Variants in OPCML observed in about 807,000 individuals in gnomAD.
The protein encoded by OPCML is opioid binding protein/cell adhesion molecule like.
A neutral mutation model predicts 37.8 loss-of-function variants in OPCML; 13 were observed. The ratio of observed to expected loss-of-function variants is 0.34; its 90% CI spans 0.22 to 0.55. OPCML has a LOEUF of 0.55. Ranked by LOEUF, OPCML falls within the 20% of genes least tolerant of loss-of-function variation. OPCML has a pLI of 0.91. For missense variants in OPCML, 341 were observed against 435.6 expected, an observed-to-expected ratio of 0.78 and a Z score of 1.93; for synonymous variants, 176 against 168.8, an observed-to-expected ratio of 1.04 and a Z score of -0.33.
chr11:133,458,403 T>C (rs1453818092), intron 1 of OPCML, among the ~76,000 whole-genome samples: 1 of 60,054 alleles, frequency 1.7e-5, no homozygotes, highest in Non-Finnish European at 2.9e-5. Flanking sequence ...TATACACATA[T>C]ATACACGTGT....
intron 1 of OPCML, among the ~76,000 whole-genome samples, chr11:133,104,635 G>A (rs747507122): frequency 6.6e-6 from 1 of 152,124 alleles, no homozygotes; most frequent in South Asian, 2.1e-4. Flanking sequence ...TCCAAGATTT[G>A]AACTAATCTT....
rs565081643 is a variant in OPCML, at chr11:133,196,504, G to A, written c.62-253494C>T. Among the ~76,000 whole-genome samples, 211 of 152,288 alleles carry A rather than the reference G, an allele frequency of 1.4e-3. 1 individual carries two copies. Among genetic ancestry groups the A allele is most frequent in the Admixed American group, 2.3e-3 (35 of 15,304 alleles). ...GGCTATTTTCTAACTCTCTTGCCAG[G>A]TAGACTGCTTGATACCAGAGGGGAT... On this transcript the variant is annotated intron_variant, in intron 1 of 7. Coordinates refer to ENST00000524381, the MANE Select transcript of OPCML (RefSeq NM_001012393.5).
chr11:133,468,109 T>C (rs1947016937), intron 1 of OPCML, among the ~76,000 whole-genome samples: 1 of 152,166 alleles, frequency 6.6e-6, no homozygotes, highest in African/African-American at 2.4e-5. Flanking sequence ...TGTTGTGGTT[T>C]GAAATGAAGT....
intron 3 of OPCML, among the ~76,000 whole-genome samples, chr11:132,633,500 A>G (rs1027309103): frequency 1.3e-5 from 2 of 152,200 alleles, no homozygotes; most frequent in Non-Finnish European, 2.9e-5. Flanking sequence ...TGGGCATCCC[A>G]ATCCTGAGCC....
chr11:132,576,845 G>T (rs1242827281), intron 3 of OPCML, among the ~76,000 whole-genome samples: 1 of 152,064 alleles, frequency 6.6e-6, no homozygotes, highest in African/African-American at 2.4e-5. Flanking sequence ...CTGTCTGCTT[G>T]CTCTGTGGGT....
Position 132,417,182 on chromosome 11 carries a change from C to G in OPCML, c.*3011G>C, listed in dbSNP as rs1287915493. 1 of 152,392 alleles carries G rather than the reference C, an allele frequency of 6.6e-6. No individual in the cohort carries two copies. Among genetic ancestry groups the G allele is most frequent in the East Asian group, 1.9e-4 (1 of 5,174 alleles). 9.4% of individuals were successfully genotyped at this position (152,392 alleles called of 1,614,324 possible). ...AGCCTGTAGGCATTCTCCATGTACTCTCCGTGTGTGAAGTTGGAAAAGTGT... is the reference window on the plus strand; with the variant it reads ...AGCCTGTAGGCATTCTCCATGTACTGTCCGTGTGTGAAGTTGGAAAAGTGT... On this transcript the variant is annotated 3_prime_UTR_variant, in exon 8 of 8. Coordinates refer to ENST00000524381, the MANE Select transcript of OPCML (RefSeq NM_001012393.5).
chr11:132,876,822 C>T (rs758023563), intron 2 of OPCML, among the ~76,000 whole-genome samples: 61 of 152,062 alleles, frequency 4.0e-4, no homozygotes, highest in Non-Finnish European at 6.6e-4. Flanking sequence ...AAGGAGTTGC[C>T]GTATACCACC....
chr11:133,377,890 A>G (rs369481386), intron 1 of OPCML, among the ~76,000 whole-genome samples: 1 of 152,144 alleles, frequency 6.6e-6, no homozygotes. Context: ...TGTGTCAGGG[A>G]CCTGCAAGCA....
intron 4 of OPCML, among the ~76,000 whole-genome samples, chr11:132,448,136 T>A (rs1310796419): frequency 1.3e-5 from 2 of 152,218 alleles, no homozygotes; most frequent in South Asian, 2.1e-4. Flanking sequence ...ATTGGGGAAA[T>A]GCCCTTTTGA....
At chr11:133,288,229 A>C (rs1478745059) in intron 1 of OPCML, among the ~76,000 whole-genome samples, 9 of 152,186 alleles carry the variant, frequency 5.9e-5, no homozygotes, top group Admixed American at 5.9e-4. Context: ...GGCACTGGTC[A>C]GGCATCAAGC....
At chr11:132,904,463 T>C (rs1409060171) in intron 2 of OPCML, among the ~76,000 whole-genome samples, 1 of 152,370 alleles carries the variant, frequency 6.6e-6, no homozygotes, top group East Asian at 1.9e-4. Flanking sequence ...TCTAATTGAA[T>C]AGAGTTCTCA....
intron 1 of OPCML, among the ~76,000 whole-genome samples, chr11:132,948,772 T>C (rs1945798816): frequency 1.3e-5 from 2 of 152,220 alleles, no homozygotes; most frequent in Non-Finnish European, 2.9e-5. Flanking sequence ...TCATGAATTA[T>C]CGTTATGTAG....
At position 132,420,204 on chromosome 11, in the gene OPCML, T is replaced by C; in HGVS notation, c.1006A>G (p.Ile336Val). The C allele has an allele frequency of 1.9e-6, 3 of 1,613,830 alleles. No homozygotes were observed. Among genetic ancestry groups the C allele is most frequent in the Non-Finnish European group, 8.5e-7 (1 of 1,179,814 alleles). Reference sequence around the variant, plus strand: ...CCTAGGATTTCTTATCAAAACTTGATGAAGAAGTGGGCTAAGAGGGTCCCT... The same window carrying C: ...CCTAGGATTTCTTATCAAAACTTGACGAAGAAGTGGGCTAAGAGGGTCCCT... ...LSGTLLAHFF[I>V]KF The change falls in exon 8 of 8, where the codon ATC becomes GTC. Residue 336 changes from isoleucine (I) to valine (V), a missense_variant. Physicochemically the swap from Ile to Val is conservative, Grantham distance 29. Transcript: ENST00000524381.
Position 133,094,018 on chromosome 11 carries a change from C to T in OPCML, c.62-151008G>A, listed in dbSNP as rs140927129. Among the ~76,000 whole-genome samples, 17 of 152,120 alleles carry T rather than the reference C, an allele frequency of 1.1e-4. No homozygotes were observed. In the East Asian group the frequency reaches 2.9e-3, roughly 26 times the overall value. On this transcript the variant is annotated intron_variant, in intron 1 of 7. Coordinates refer to ENST00000524381, the MANE Select transcript of OPCML (RefSeq NM_001012393.5). ...TATTTTTTCTGCTGTCATCTGAGTG[C>T]TAAAAATCAGGTCCCCTCGTGTGTC... is the stretch of plus-strand genomic sequence containing the variant.
intron 2 of OPCML, among the ~76,000 whole-genome samples, chr11:132,767,015 C>A (rs532844155): frequency 6.6e-6 from 1 of 152,194 alleles, no homozygotes; most frequent in East Asian, 1.9e-4. Flanking sequence ...CAGATATGTA[C>A]ATTATCTATG....
intron 2 of OPCML, among the ~76,000 whole-genome samples, chr11:132,930,369 G>A (rs1246915605): frequency 6.6e-6 from 1 of 151,774 alleles, no homozygotes; most frequent in African/African-American, 2.4e-5. Flanking sequence ...GTGGCACCCT[G>A]TCTCAAAAAA....
chr11:133,221,396 C>A (rs763952518), intron 1 of OPCML, among the ~76,000 whole-genome samples: 5 of 152,242 alleles, frequency 3.3e-5, no homozygotes, highest in African/African-American at 4.8e-5. Context: ...TGAGCAAAGT[C>A]GCTTGGTCTG....
At chr11:132,577,331 GA>G (rs1338742585) in intron 3 of OPCML, among the ~76,000 whole-genome samples, 2 of 152,052 alleles carry the variant, frequency 1.3e-5, no homozygotes, top group Non-Finnish European at 2.9e-5. Flanking sequence ...TCTAGCCACG[GA>G]AATTAAAGGA....
intron 1 of OPCML, among the ~76,000 whole-genome samples, chr11:133,471,467 T>A (rs1187631538): frequency 6.6e-6 from 1 of 152,210 alleles, no homozygotes; most frequent in African/African-American, 2.4e-5. Context: ...TTGGCTTGTA[T>A]ATGCATATAA....
Sources: allele counts gnomAD v4.1 joint callset (sites outside exome capture counted in the v4.1 genomes callset), GRCh38; gene constraint gnomAD v4.1.1; transcripts MANE v1.5; gene names NCBI Gene and HGNC (gene_info 2026-07-23, HGNC 2026-07-21).